The following ITGBL1 variants were observed in gnomAD, a reference collection of about 807,000 sequenced individuals.
The protein encoded by ITGBL1 is integrin beta-like protein 1.
In ITGBL1, 51 loss-of-function variants were observed where a neutral mutation model predicts 68.5. That is an observed-to-expected ratio of 0.74 (90% CI 0.59 to 0.94). The LOEUF (loss-of-function observed/expected upper bound fraction) is 0.94, where lower values mean the gene tolerates loss of function less well. Ranked by LOEUF, ITGBL1 falls within the 40% of genes least tolerant of loss-of-function variation. The pLI is 0.00. For missense variants in ITGBL1, 649 were observed against 647.4 expected (o/e 1.00, Z -0.03); for synonymous variants, 209 against 227.3 (o/e 0.92, Z 0.72).
chr13:101,648,065 G>A (rs200838970), intron 7 of ITGBL1, among the ~76,000 whole-genome samples: 5 of 152,010 alleles, frequency 3.3e-5, no homozygotes, highest in East Asian at 1.9e-4. Flanking sequence ...CAGCTCAGTC[G>A]CTGATTGGAC....
chr13:101,532,380 A>G (rs2049499305), intron 2 of ITGBL1, among the ~76,000 whole-genome samples: 1 of 152,216 alleles, frequency 6.6e-6, no homozygotes, highest in Admixed American at 6.5e-5. Context: ...GTTCTGCTTA[A>G]TAGATGCTTA....
At chr13:101,712,825 C>G (rs1465694060) in intron 9 of ITGBL1, 1 of 152,100 alleles carries the variant, frequency 6.6e-6, no homozygotes, top group Non-Finnish European at 1.5e-5. Flanking sequence ...ATAAAGAAAT[C>G]TCTAAAATCA....
At chr13:101,566,836 A>G (rs1293324456) in intron 2 of ITGBL1, among the ~76,000 whole-genome samples, 1 of 152,194 alleles carries the variant, frequency 6.6e-6, no homozygotes, top group African/African-American at 2.4e-5. Flanking sequence ...GGAAGTCCAG[A>G]AAGTCTCTGC....
intron 2 of ITGBL1, among the ~76,000 whole-genome samples, chr13:101,514,362 T>G (rs1488483511): frequency 1.3e-5 from 2 of 152,118 alleles, no homozygotes; most frequent in Non-Finnish European, 2.9e-5. Context: ...AGGGAATAAT[T>G]ATCTCCCTTG....
intron 7 of ITGBL1, among the ~76,000 whole-genome samples, chr13:101,678,738 TGATCCACTGCTTTGGCCTCC>T (rs2033567773): frequency 6.6e-6 from 1 of 151,780 alleles, no homozygotes; most frequent in Non-Finnish European, 1.5e-5. Flanking sequence ...TGACCTCAGG[TGATCCACTGCTTTGGCCTCC>T]CAAAGTGCTG....
intron 7 of ITGBL1, among the ~76,000 whole-genome samples, chr13:101,639,911 A>C (rs944936641): frequency 1.3e-5 from 2 of 152,178 alleles, no homozygotes; most frequent in Non-Finnish European, 1.5e-5. Context: ...AGGGTTCAAT[A>C]AATTCCTTCA....
intron 7 of ITGBL1, among the ~76,000 whole-genome samples, chr13:101,679,773 A>G (rs189523421): frequency 4.6e-5 from 7 of 152,164 alleles, no homozygotes; most frequent in Non-Finnish European, 7.4e-5. Flanking sequence ...ATCCTAAATG[A>G]CCTCCTCTGT....
chr13:101,628,599 A>AT (rs34600896), intron 7 of ITGBL1, among the ~76,000 whole-genome samples: 96,857 of 140,604 alleles, frequency 0.69, 33,219 homozygotes, highest in Middle Eastern at 0.79. Flanking sequence ...TACCCAGCTA[A>AT]TTTTTTTTTT....
intron 2 of ITGBL1, among the ~76,000 whole-genome samples, chr13:101,516,191 T>C (rs923508074): frequency 6.6e-6 from 1 of 152,188 alleles, no homozygotes; most frequent in East Asian, 1.9e-4. Context: ...TTTTGAATTA[T>C]GTTTTGATAT....
downstream of ITGBL1, chr13:101,720,528 C>CTGTG (rs1491358179): frequency 5.2e-4 from 48 of 92,764 alleles, no homozygotes; most frequent in African/African-American, 2.0e-3. Flanking sequence ...GGGGTGTTTG[C>CTGTG]TCTGTGTGTG....
intron 2 of ITGBL1, among the ~76,000 whole-genome samples, chr13:101,520,606 A>G (rs948059510): frequency 6.6e-6 from 1 of 152,154 alleles, no homozygotes; most frequent in Non-Finnish European, 1.5e-5. Flanking sequence ...TTAAAGGATA[A>G]CCACTGCTCT....
intron 2 of ITGBL1, among the ~76,000 whole-genome samples, chr13:101,524,514 T>C (rs898328254): frequency 2.0e-5 from 3 of 152,038 alleles, no homozygotes; most frequent in Admixed American, 6.6e-5. Flanking sequence ...GTGGTCATTA[T>C]GCCAATTGAC....
At chr13:101,556,512 G>A (rs542085026) in intron 2 of ITGBL1, among the ~76,000 whole-genome samples, 18 of 152,288 alleles carry the variant, frequency 1.2e-4, no homozygotes, top group African/African-American at 4.1e-4. Flanking sequence ...GCACATGCCT[G>A]TAATCCCAGC....
At chr13:101,517,732 G>C (rs764649935) in intron 2 of ITGBL1, among the ~76,000 whole-genome samples, 1 of 152,224 alleles carries the variant, frequency 6.6e-6, no homozygotes, top group Non-Finnish European at 1.5e-5. Flanking sequence ...GTGTGGTGGA[G>C]GGTTAATCTT....
rs146567438 is a variant in ITGBL1 at position 101,651,553 on chromosome 13, G to A, written c.1016-41032G>A. On this transcript the variant is annotated intron_variant, in intron 7 of 10. Coordinates refer to ENST00000376180, the MANE Select transcript of ITGBL1 (RefSeq NM_004791.3). ...TCTTATAAATTTGTTTAAGTTCCTTGTAGACTCTGGATATTAGACCTTTGT... is the reference window on the plus strand; with the variant it reads ...TCTTATAAATTTGTTTAAGTTCCTTATAGACTCTGGATATTAGACCTTTGT... Among the ~76,000 whole-genome samples the A allele has an allele frequency of 8.9e-3, 1,349 of 152,126 alleles. 17 individuals are homozygous for A. The highest frequency in any genetic ancestry group is 0.03 in the African/African-American group (1,256 of 41,506).
chr13:101,529,447 A>G (rs1205956399), intron 2 of ITGBL1, among the ~76,000 whole-genome samples: 2 of 152,220 alleles, frequency 1.3e-5, no homozygotes, highest in East Asian at 3.8e-4. Flanking sequence ...TTCTAAAGAA[A>G]AAGAAAGAAA....
chr13:101,605,348 A>G (rs1435732186), intron 7 of ITGBL1, among the ~76,000 whole-genome samples: 1 of 150,626 alleles, frequency 6.6e-6, no homozygotes, highest in African/African-American at 2.4e-5. Flanking sequence ...ACACATATCT[A>G]GACATGTATG....
intron 7 of ITGBL1, among the ~76,000 whole-genome samples, chr13:101,674,706 T>A (rs1253911928): frequency 6.6e-6 from 1 of 152,074 alleles, no homozygotes; most frequent in Non-Finnish European, 1.5e-5. Flanking sequence ...TTTGTATATT[T>A]CTGGGTTCAA....
chr13:101,614,172 T>TA (rs2031255961), intron 7 of ITGBL1, among the ~76,000 whole-genome samples: 1 of 152,132 alleles, frequency 6.6e-6, no homozygotes, highest in African/African-American at 2.4e-5. Context: ...TTATTTGTTC[T>TA]ATATGAAAGA....
Sources: gnomAD v4.1 joint callset for allele counts (sites outside exome capture counted in the v4.1 genomes callset) on GRCh38, gnomAD v4.1.1 for gene constraint, MANE v1.5 for transcripts, NCBI Gene and HGNC (gene_info 2026-07-23, HGNC 2026-07-21) for gene names.